The following MRPL47 variants were observed in gnomAD, a reference collection of about 807,000 sequenced individuals.
The protein encoded by MRPL47 is large ribosomal subunit protein uL29m.
MRPL47 carries 31 observed loss-of-function variants against 34.0 expected under a neutral mutation model. The ratio of observed to expected loss-of-function variants is 0.91; its 90% confidence interval spans 0.68 to 1.23. The LOEUF is 1.23. Among genes scored for constraint, MRPL47 ranks in the 50% most tolerant of loss-of-function variants. The pLI is 0.00. For synonymous variants in MRPL47, 106 were observed against 101.6 expected, an observed-to-expected ratio of 1.04 and a Z score of -0.26; for missense variants, 328 against 285.8, an observed-to-expected ratio of 1.15 and a Z score of -1.07.
At chr3:179,592,966 C>T (rs1211632384) in intron 5 of MRPL47, among the ~76,000 whole-genome samples, 1 of 152,186 alleles carries the variant, frequency 6.6e-6, no homozygotes, top group Non-Finnish European at 1.5e-5. Flanking sequence ...GTCAAGAGTA[C>T]AGGGAAGGTC....
At chr3:179,604,009 A>C (rs2108387638) in intron 1 of MRPL47, among the ~76,000 whole-genome samples, 1 of 142,238 alleles carries the variant, frequency 7.0e-6, no homozygotes, top group Non-Finnish European at 1.5e-5. Flanking sequence ...TGTTCCGGAT[A>C]GAGACTAAAG....
Position 179,604,520 on chromosome 3 carries a change from C to G in MRPL47, c.98+7G>C. On this transcript the variant is annotated splice_region_variant and intron_variant, in intron 1 of 6. Transcript: ENST00000476781. ...AGGTGGGCAAACCTACTTTATACAT[C>G]ACTTACCCTGTGCAGGCAGGGACCT... 1 of 1,613,120 alleles carries G rather than the reference C, an allele frequency of 6.2e-7. No homozygotes were observed. Among genetic ancestry groups the G allele is most frequent in the South Asian group, 1.1e-5 (1 of 91,042 alleles).
In MRPL47 at chr3:179,601,879, GTTTC is replaced by G. The variant is rs1718935222; in HGVS notation, c.245-93_245-90del. On this transcript the variant is annotated intron_variant, in intron 2 of 6. Transcript: ENST00000476781. ...AAGCTCTCTAAACCTGTCTAAACCT[GTTTC>G]TTTATCTGTAAAATATATAACAGCT... 2.6e-5 allele frequency: 22 copies of G among 836,972 alleles called. 1 individual carries two copies. The South Asian group carries it at 2.9e-4, about 11-fold the overall frequency. 51.8% of individuals were successfully genotyped at this position (836,972 alleles called of 1,614,324 possible). A position where few individuals can be genotyped will look rare whatever the true frequency, so the allele number is the denominator to read the frequency against.
rs1174416995 is a variant in MRPL47, at chr3:179,588,623, A to ATTTAAGCAGGC, written c.*248_*249insGCCTGCTTAAA. Reference sequence around the variant, plus strand: ...TTCACACTCTAAGGTAGCAGGTGACATTTAAAGCCTGCTTAAATGTCAGAA... The same window carrying ATTTAAGCAGGC: ...TTCACACTCTAAGGTAGCAGGTGACATTTAAGCAGGCTTTAAAGCCTGCTTAAATGTCAGAA... On this transcript the variant is annotated 3_prime_UTR_variant, in exon 7 of 7. Coordinates refer to ENST00000476781, the MANE Select transcript of MRPL47 (RefSeq NM_020409.3). 1.3e-5 allele frequency: 4 copies of ATTTAAGCAGGC among 308,862 alleles called. No homozygotes were observed. Among genetic ancestry groups the ATTTAAGCAGGC allele is most frequent in the Non-Finnish European group, 2.4e-5 (4 of 166,342 alleles). The allele number at this position is 308,862 out of a possible 1,614,324, so 19.1% of individuals were successfully genotyped here. A position where few individuals can be genotyped will look rare whatever the true frequency, so the allele number is the denominator to read the frequency against.
chr3:179,604,549 G>C lies in MRPL47; in HGVS notation c.76C>G (p.Pro26Ala). The C allele has an allele frequency of 6.2e-7, 1 of 1,614,190 alleles. No individual in the cohort carries two copies. Among genetic ancestry groups the C allele is most frequent in the Middle Eastern group, 1.6e-4 (1 of 6,062 alleles). ...ALKSSRSLITPQVPACTGFFL... is the reference protein window; with the variant it reads ...ALKSSRSLITAQVPACTGFFL... ...TACCCTGTGCAGGCAGGGACCTGAG[G>C]AGTTATTAACGATCGGGAAGATTTC... The change falls in exon 1 of 7, where the codon CCT becomes GCT. Residue 26 changes from proline (P) to alanine (A), a missense_variant. By Grantham distance (27) the Pro-to-Ala change is conservative. Transcript: ENST00000476781.
chr3:179,594,408 T>C (rs1309598088), intron 4 of MRPL47, among the ~76,000 whole-genome samples: 3 of 152,352 alleles, frequency 2.0e-5, no homozygotes, highest in East Asian at 3.9e-4. Flanking sequence ...TGCAAGATGA[T>C]ACTATTAAAC....
intron 6 of MRPL47, among the ~76,000 whole-genome samples, chr3:179,589,922 T>C (rs916825127): frequency 8.6e-5 from 13 of 151,228 alleles, no homozygotes; most frequent in African/African-American, 1.4e-4. Flanking sequence ...ATTCTTAATA[T>C]TAAGATGATG....
chr3:179,589,804 T>G (rs773596230), intron 6 of MRPL47, among the ~76,000 whole-genome samples: 1 of 152,086 alleles, frequency 6.6e-6, no homozygotes, highest in Non-Finnish European at 1.5e-5. Context: ...GTATAAAGGC[T>G]GAACAAAGTC....
chr3:179,604,537 C>A lies in MRPL47; in HGVS notation c.88G>T (p.Ala30Ser), dbSNP rs1414086616. The A allele has an allele frequency of 2.5e-6, 4 of 1,614,142 alleles. No individual in the cohort carries two copies. The highest frequency in any genetic ancestry group is 1.1e-5 in the South Asian group (1 of 91,084). ...SRSLITPQVP[A>S]CTGFFLSLLP... ...TTATACATCACTTACCCTGTGCAGG[C>A]AGGGACCTGAGGAGTTATTAACGAT... The change falls in exon 1 of 7, where the codon GCC (alanine) becomes TCC (serine). Residue 30 changes from alanine (A) to serine (S), a missense_variant. Physicochemically the swap from Ala to Ser is moderately conservative, Grantham distance 99 (BLOSUM62 1). Transcript: ENST00000476781.
chr3:179,591,624 G>GA (rs969532980), intron 6 of MRPL47, among the ~76,000 whole-genome samples: 11 of 152,254 alleles, frequency 7.2e-5, no homozygotes, highest in African/African-American at 2.4e-4. Flanking sequence ...CATGAGTTTA[G>GA]ATATAATATA....
intron 6 of MRPL47, among the ~76,000 whole-genome samples, chr3:179,590,649 C>G (rs1198419422): frequency 6.6e-6 from 1 of 151,032 alleles, no homozygotes; most frequent in Non-Finnish European, 1.5e-5. Context: ...AGATTTTGTC[C>G]TGTAGACAAG....
chr3:179,591,966 G>C (rs1369485208), intron 6 of MRPL47, among the ~76,000 whole-genome samples: 1 of 151,974 alleles, frequency 6.6e-6, no homozygotes, highest in Non-Finnish European at 1.5e-5. Flanking sequence ...CTAAGTAGTT[G>C]AGATTACAGG....
In MRPL47 at chr3:179,593,900, A is replaced by G. The variant is rs75400090; in HGVS notation, c.403-5T>C. The stretch of plus-strand genomic sequence containing the variant: ...TGCATCCATGGAATCTACTACCTGA[A>G]AAGAGAATAGAAAGATACAATTTCA... On this transcript the variant is annotated splice_region_variant and splice_polypyrimidine_tract_variant and intron_variant, in intron 4 of 6. Coordinates refer to ENST00000476781, the MANE Select transcript of MRPL47 (RefSeq NM_020409.3). The G allele has an allele frequency of 7.8e-3, 12,541 of 1,608,390 alleles. 562 individuals are homozygous for G. The East Asian group carries it at 0.12, about 16-fold the overall frequency.
At chr3:179,598,427 A>ACAC (rs1445696121) in intron 4 of MRPL47, among the ~76,000 whole-genome samples, 32 of 49,148 alleles carry the variant, frequency 6.5e-4, no homozygotes, top group African/African-American at 1.4e-3. Flanking sequence ...CACACACACA[A>ACAC]ACAAAAAAAA....
In MRPL47 at chr3:179,598,426, A is replaced by ACAC. The variant is rs1553779586; in HGVS notation, c.402+248_402+249insGTG. ...CACACACACACACACACACACACAC[A>ACAC]AACAAAAAAAAAAAAACAAAAAACA... On this transcript the variant is annotated intron_variant, in intron 4 of 6. Coordinates refer to ENST00000476781, the MANE Select transcript of MRPL47 (RefSeq NM_020409.3). Among the ~76,000 whole-genome samples the ACAC allele has an allele frequency of 2.7e-4, 38 of 142,400 alleles. No individual in the cohort carries two copies. In the East Asian group the frequency reaches 2.8e-3, roughly 10 times the overall value. The allele number at this position is 142,400 out of a possible 152,430, so 93.4% of individuals were successfully genotyped here.
At chr3:179,600,213 T>A (rs927717511) in intron 3 of MRPL47, among the ~76,000 whole-genome samples, 29 of 152,214 alleles carry the variant, frequency 1.9e-4, no homozygotes, top group Non-Finnish European at 4.1e-4. Flanking sequence ...CTTTCACTGA[T>A]AACCCACAGT....
Position 179,590,683 on chromosome 3 carries a change from G to C in MRPL47, c.630-1688C>G, listed in dbSNP as rs948184218. ...AGAAGCTGTTGTATGTTTCTGAAAA[G>C]GCCTGATGTGATTAAAAAAAAAAAA... is the stretch of plus-strand genomic sequence containing the variant. On this transcript the variant is annotated intron_variant, in intron 6 of 6. Coordinates refer to ENST00000476781, the MANE Select transcript of MRPL47 (RefSeq NM_020409.3). Among the ~76,000 whole-genome samples the C allele has an allele frequency of 2.0e-5, 3 of 149,402 alleles. No individual in the cohort carries two copies. In the East Asian group the frequency reaches 5.9e-4, roughly 29 times the overall value.
At chr3:179,603,232 A>G (rs1380571016) in intron 1 of MRPL47, among the ~76,000 whole-genome samples, 3 of 152,130 alleles carry the variant, frequency 2.0e-5, no homozygotes, top group African/African-American at 7.2e-5. Context: ...AGGTAAAAAG[A>G]GCAGTCAATT....
chr3:179,601,614 G>A, intron 3 of MRPL47, 116 bp downstream of exon 3: 1 of 673,352 alleles, frequency 1.5e-6, no homozygotes. Context: ...ATCATCCATA[G>A]TACTACAAAA....
Sources: allele counts gnomAD v4.1 joint callset (sites outside exome capture counted in the v4.1 genomes callset), GRCh38; gene constraint gnomAD v4.1.1; transcripts MANE v1.5; gene names NCBI Gene and HGNC (gene_info 2026-07-23, HGNC 2026-07-21).